Variants in POLN observed in about 807,000 individuals in gnomAD.
The protein encoded by POLN is DNA polymerase N.
Under a neutral mutation model 113.5 loss-of-function variants are expected in POLN, and 108 were observed. That is an observed-to-expected ratio of 0.95 (90% CI 0.81 to 1.12). The LOEUF is 1.12. POLN is among the 50% of genes most tolerant of loss of function. The pLI, the probability that POLN is intolerant of heterozygous loss-of-function variation, is 0.00. For synonymous variants in POLN, 386 were observed against 391.5 expected, an observed-to-expected ratio of 0.99 and a Z score of 0.17; for missense variants, 1,097 against 1,077.1, an observed-to-expected ratio of 1.02 and a Z score of -0.26.
intron 19 of POLN, among the ~76,000 whole-genome samples, chr4:2,121,446 A>ATATATAT (rs35672300): frequency 7.9e-4 from 66 of 83,866 alleles, no homozygotes; most frequent in Non-Finnish European, 9.7e-4. Context: ...AAAAAAAAAA[A>ATATATAT]AAAAAAATAT....
At chr4:2,092,449 T>TG (rs1730691500) in intron 20 of POLN, among the ~76,000 whole-genome samples, 1 of 152,196 alleles carries the variant, frequency 6.6e-6, no homozygotes, top group South Asian at 2.1e-4. Flanking sequence ...AGTTGACTGA[T>TG]GGAGGAGCAG....
chr4:2,122,467 T>C (rs1425954989), intron 19 of POLN, among the ~76,000 whole-genome samples: 3 of 151,890 alleles, frequency 2.0e-5, no homozygotes, highest in Non-Finnish European at 4.4e-5. Flanking sequence ...AGAGAGTAAA[T>C]GATGAGCCCA....
At chr4:2,128,794 C>T (rs1396512302) in intron 18 of POLN, among the ~76,000 whole-genome samples, 2 of 152,202 alleles carry the variant, frequency 1.3e-5, no homozygotes, top group African/African-American at 4.8e-5. Context: ...GTGGCTTATG[C>T]CTGTAATCCC....
intron 19 of POLN, among the ~76,000 whole-genome samples, chr4:2,114,997 T>C (rs1235108407): frequency 1.3e-5 from 2 of 151,872 alleles, no homozygotes; most frequent in Admixed American, 1.3e-4. Flanking sequence ...TCATGGATTC[T>C]TTCCTATGGT....
chr4:2,126,947 G>C lies in POLN; in HGVS notation c.1982+1166C>G, dbSNP rs949659932. ...GCGGAGACAGCGCATGGGGAGGGGAGTGCAGGGGGCCGGCCTAGTGAGGGG... is the reference window on the plus strand; with the variant it reads ...GCGGAGACAGCGCATGGGGAGGGGACTGCAGGGGGCCGGCCTAGTGAGGGG... On this transcript the variant is annotated intron_variant, in intron 19 of 25. Coordinates refer to ENST00000511885, the MANE Select transcript of POLN (RefSeq NM_181808.4). This position sits in a 1 kb window ranked among gnomAD's most constrained non-coding sequence, Gnocchi z 4.6. Among the ~76,000 whole-genome samples, 1 of 152,142 alleles carries C rather than the reference G, an allele frequency of 6.6e-6. No individual in the cohort carries two copies. Among genetic ancestry groups the C allele is most frequent in the Non-Finnish European group, 1.5e-5 (1 of 68,016 alleles).
At chr4:2,241,189 G>A in intron 2 of POLN, 1 of 404,858 alleles carries the variant, frequency 2.5e-6, no homozygotes, top group Non-Finnish European at 4.3e-6. Flanking sequence ...CCGAGAGCGG[G>A]ATAAATGACA....
intron 16 of POLN, among the ~76,000 whole-genome samples, chr4:2,139,296 G>T (rs1323227388): frequency 6.6e-6 from 1 of 152,242 alleles, no homozygotes; most frequent in Non-Finnish European, 1.5e-5. Flanking sequence ...CCTGGGGTCA[G>T]CAAGGCTGTG....
chr4:2,208,087 T>C lies in POLN; in HGVS notation c.614A>G (p.Asp205Gly), dbSNP rs1459452950. ...TTCAATCAGCTGGCTTTTTGCCCAA[T>C]CATCCAAATGCCTAATATCACAAAA... ...KHFCDIRHLD[D>G]WAKSQLIEML... Residue 205 changes from aspartate to glycine, a missense_variant, in exon 5 of 26, where the codon GAT (aspartate) becomes GGT (glycine). Transcript: ENST00000511885. 1.9e-6 allele frequency: 3 copies of C among 1,614,110 alleles called. No individual in the cohort carries two copies. Among genetic ancestry groups the C allele is most frequent in the Non-Finnish European group, 2.5e-6 (3 of 1,180,040 alleles).
At chr4:2,108,038 C>T (rs1731108723) in intron 19 of POLN, among the ~76,000 whole-genome samples, 1 of 152,200 alleles carries the variant, frequency 6.6e-6, no homozygotes, top group African/African-American at 2.4e-5. Flanking sequence ...CCCTTCCCTT[C>T]CTCTGTTGGA....
intron 2 of POLN, chr4:2,231,115 G>C (rs907036347): frequency 6.6e-6 from 1 of 152,132 alleles, no homozygotes; most frequent in African/African-American, 2.4e-5. Context: ...GGCAGGCCAA[G>C]GAAGTCCTAA....
At chr4:2,211,049 G>A (rs1677436498) in intron 4 of POLN, among the ~76,000 whole-genome samples, 1 of 150,390 alleles carries the variant, frequency 6.6e-6, no homozygotes, top group Admixed American at 6.6e-5. Context: ...TCAGGAGTTC[G>A]AGACTAGCCT....
intron 16 of POLN, among the ~76,000 whole-genome samples, chr4:2,145,290 TAAAGGA>T (rs1179244419): frequency 6.6e-6 from 1 of 152,222 alleles, no homozygotes; most frequent in African/African-American, 2.4e-5. Context: ...GTACAAACCT[TAAAGGA>T]AAAGACCACA....
At chr4:2,176,493 G>T (rs1052769466) in intron 8 of POLN, among the ~76,000 whole-genome samples, 159 bp from the exon 9 acceptor site, 1 of 152,130 alleles carries the variant, frequency 6.6e-6, no homozygotes, top group Non-Finnish European at 1.5e-5. Context: ...CAAACACCTC[G>T]ACTAGACAAG....
At chr4:2,095,272 C>T (rs7684269) in intron 20 of POLN, among the ~76,000 whole-genome samples, 16,702 of 152,016 alleles carry the variant, frequency 0.11, 3,098 homozygotes, top group African/African-American at 0.38. Flanking sequence ...AGAAGAGGCC[C>T]CAGGCAGCCC....
chr4:2,213,119 T>A lies in POLN; in HGVS notation c.141A>T (p.Glu47Asp). The change falls in exon 4 of 26, where the codon GAA (glutamate) becomes GAT (aspartate). Residue 47 changes from glutamate (E) to aspartate (D), a missense_variant. Coordinates refer to ENST00000511885, the MANE Select transcript of POLN (RefSeq NM_181808.4). ...KTWGKSTETM[E>D]VINKSSVKYS... ...ACTTAACACTGGACTTGTTTATCAC[T>A]TCCATAGCTTTTAAAAACAACAAAA... The A allele has an allele frequency of 6.3e-7, 1 of 1,592,408 alleles. No individual in the cohort carries two copies. Among genetic ancestry groups the A allele is most frequent in the Non-Finnish European group, 8.5e-7 (1 of 1,171,198 alleles).
At chr4:2,188,634 C>A (rs112827903) in intron 7 of POLN, among the ~76,000 whole-genome samples, 16 of 117,404 alleles carry the variant, frequency 1.4e-4, no homozygotes, top group East Asian at 4.3e-4. Context: ...CAAAACAAAA[C>A]AAAAAAAAAC....
chr4:2,072,347 C>T, intron 25 of POLN, 48 bp from the exon 26 acceptor site: 1 of 1,452,838 alleles, frequency 6.9e-7, no homozygotes, highest in Non-Finnish European at 9.1e-7. Flanking sequence ...CCAGCCACCC[C>T]CAGCCACCTC....
intron 19 of POLN, among the ~76,000 whole-genome samples, chr4:2,110,739 C>T (rs1434001384): frequency 6.6e-6 from 1 of 152,118 alleles, no homozygotes; most frequent in Non-Finnish European, 1.5e-5. Context: ...GAAAATGAGG[C>T]AATAATTAAT....
Position 2,167,828 on chromosome 4 carries a change from G to A in POLN, c.1554+2851C>T, listed in dbSNP as rs191407967. 4.6e-3 allele frequency among the ~76,000 whole-genome samples: 707 copies of A among 152,252 alleles called. 8 individuals are homozygous for A. The highest frequency in any genetic ancestry group is 0.016 in the African/African-American group (671 of 41,560). On this transcript the variant is annotated intron_variant, in intron 13 of 25. Coordinates refer to ENST00000511885, the MANE Select transcript of POLN (RefSeq NM_181808.4). The stretch of plus-strand genomic sequence containing the variant: ...GCAGGAGAATCGCTTGAACCTGGAA[G>A]GGGGAGGTTGCAGTGAGCTGAGATT...
Sources: allele counts gnomAD v4.1 joint callset (sites outside exome capture counted in the v4.1 genomes callset), GRCh38; gene constraint gnomAD v4.1.1; non-coding constraint Gnocchi (gnomAD v3.1); transcripts MANE v1.5; gene names NCBI Gene and HGNC (gene_info 2026-07-23, HGNC 2026-07-21).